The following CEP112 variants were observed in gnomAD, a reference collection of about 807,000 sequenced individuals.
CEP112 encodes the protein centrosomal protein 112, also known as centrosomal protein of 112 kDa.
A neutral mutation model predicts 153.0 loss-of-function variants in CEP112; 127 were observed. The observed-to-expected ratio is 0.83, with a 90% confidence interval of 0.72 to 0.96. The LOEUF is 0.96. Among genes scored for constraint, CEP112 ranks in the 40% least tolerant of loss-of-function variants. The probability of loss-of-function intolerance (pLI) is 0.00; values close to 1 mark genes in which losing one functional copy is unlikely to be tolerated. For missense variants in CEP112, 1,089 were observed against 1,101.2 expected, an observed-to-expected ratio of 0.99 and a Z score of 0.16; for synonymous variants, 358 against 374.4, an observed-to-expected ratio of 0.96 and a Z score of 0.51.
chr17:65,791,880 A>G (rs575983243), intron 21 of CEP112, among the ~76,000 whole-genome samples: 4 of 152,344 alleles, frequency 2.6e-5, no homozygotes, highest in African/African-American at 9.6e-5. Context: ...AAAAGCAATT[A>G]AAATACATAA....
chr17:65,867,005 G>C (rs9899938), intron 20 of CEP112, among the ~76,000 whole-genome samples: 21,942 of 151,860 alleles, frequency 0.14, 1,639 homozygotes, highest in African/African-American at 0.17. Context: ...GGAGAGACGA[G>C]AGAAGGAGAA....
At chr17:66,035,886 G>A (rs1349519336) in intron 12 of CEP112, among the ~76,000 whole-genome samples, 1 of 152,150 alleles carries the variant, frequency 6.6e-6, no homozygotes, top group African/African-American at 2.4e-5. Flanking sequence ...CAAGACAGCC[G>A]AAAAACTGAG....
chr17:65,968,747 T>C (rs774595170), intron 17 of CEP112, among the ~76,000 whole-genome samples: 5 of 152,212 alleles, frequency 3.3e-5, no homozygotes, highest in African/African-American at 4.8e-5. Flanking sequence ...TTTGCTCAAG[T>C]TCACATAAAA....
At chr17:65,984,109 A>G (rs2063320147) in intron 17 of CEP112, among the ~76,000 whole-genome samples, 1 of 152,274 alleles carries the variant, frequency 6.6e-6, no homozygotes, top group African/African-American at 2.4e-5. Flanking sequence ...TGACAATTTT[A>G]TTGTGATTTT....
chr17:65,797,214 G>C (rs2054987618), intron 21 of CEP112: 2 of 152,160 alleles, frequency 1.3e-5, no homozygotes, highest in African/African-American at 4.8e-5. Flanking sequence ...AGAGTGACTG[G>C]TTCTGCTGGA....
At chr17:65,920,535 G>A (rs1255263793) in intron 19 of CEP112, among the ~76,000 whole-genome samples, 4 of 149,292 alleles carry the variant, frequency 2.7e-5, no homozygotes, top group Non-Finnish European at 4.4e-5. Flanking sequence ...ATAACTGTGG[G>A]CTTTTAGGAT....
At chr17:66,182,207 G>A (rs1311176694) in intron 2 of CEP112, 2 of 152,112 alleles carry the variant, frequency 1.3e-5, no homozygotes, top group East Asian at 3.8e-4. Flanking sequence ...CACAATTTTT[G>A]TTACATTATA....
intron 4 of CEP112, among the ~76,000 whole-genome samples, chr17:66,174,694 G>A (rs372704609): frequency 4.9e-4 from 74 of 152,210 alleles, no homozygotes; most frequent in African/African-American, 1.6e-3. Context: ...TGGGGTTTAC[G>A]CTTACATTCA....
intron 21 of CEP112, among the ~76,000 whole-genome samples, chr17:65,805,308 C>T (rs977449885): frequency 6.6e-6 from 1 of 152,188 alleles, no homozygotes. Context: ...TATTTAGGAG[C>T]TGCCCTTAGT....
intron 6 of CEP112, among the ~76,000 whole-genome samples, chr17:66,128,650 A>C (rs9897921): frequency 0.16 from 24,758 of 152,150 alleles, 2,763 homozygotes; most frequent in African/African-American, 0.31. Context: ...GCAATCAAAT[A>C]TGTATAAAAA....
At chr17:66,007,554 T>C (rs1443301) in intron 16 of CEP112, among the ~76,000 whole-genome samples, 62,503 of 152,064 alleles carry the variant, frequency 0.41, 14,319 homozygotes, top group East Asian at 0.87. Context: ...AACGCAAATC[T>C]AGTCTTTTTA....
At chr17:66,084,725 G>A (rs1336995071) in intron 8 of CEP112, among the ~76,000 whole-genome samples, 1 of 151,904 alleles carries the variant, frequency 6.6e-6, no homozygotes, top group South Asian at 2.1e-4. Context: ...AAAGTAGAAA[G>A]AACGAAGAAA....
intron 6 of CEP112, among the ~76,000 whole-genome samples, chr17:66,121,203 G>A (rs1217863007): frequency 6.6e-6 from 1 of 151,860 alleles, no homozygotes; most frequent in Non-Finnish European, 1.5e-5. Context: ...TTGAACCTGG[G>A]AGGCAGAAGT....
At chr17:66,079,161 G>A (rs536738722) in intron 8 of CEP112, among the ~76,000 whole-genome samples, 4 of 152,100 alleles carry the variant, frequency 2.6e-5, no homozygotes, top group African/African-American at 4.8e-5. Context: ...GGAATGCTGC[G>A]GGGCACAGTG....
rs143633640 is a variant in CEP112 at position 65,751,621 on chromosome 17, C to T, written c.2395-897G>A. On this transcript the variant is annotated intron_variant, in intron 21 of 26. Transcript: ENST00000535342. ...CTCTCCCTGCAACTCTGATTTTGTA[C>T]CTCTTAGATTTAGTGTCTCTTTTTC... Among the ~76,000 whole-genome samples, 1,277 of 152,256 alleles carry T rather than the reference C, an allele frequency of 8.4e-3. 12 individuals carry two copies. Among genetic ancestry groups the T allele is most frequent in the South Asian group, 0.019 (94 of 4,824 alleles).
At chr17:66,022,672 G>A (rs2065045051) in intron 16 of CEP112, among the ~76,000 whole-genome samples, 1 of 136,392 alleles carries the variant, frequency 7.3e-6, no homozygotes, top group African/African-American at 2.8e-5. Flanking sequence ...TCGTGCCACT[G>A]CACTCCAGCC....
rs1373265956 is a variant in CEP112, at chr17:65,971,150, ATACATGTACAT to A, written c.1737-9563_1737-9553del. On this transcript the variant is annotated intron_variant, in intron 17 of 26. Coordinates refer to ENST00000535342, the MANE Select transcript of CEP112 (RefSeq NM_001199165.4). Reference sequence around the variant, plus strand: ...GAGATTTATATTGCATGTGCACATGATACATGTACATTACATGTACAGCACATGTACAGCAC... The same window carrying A: ...GAGATTTATATTGCATGTGCACATGATACATGTACAGCACATGTACAGCAC... 4.8e-3 allele frequency among the ~76,000 whole-genome samples: 732 copies of A among 152,246 alleles called. 5 individuals are homozygous for A. The highest frequency in any genetic ancestry group is 0.016 in the African/African-American group (684 of 41,552).
intron 21 of CEP112, among the ~76,000 whole-genome samples, chr17:65,778,961 C>T (rs906613650): frequency 1.1e-4 from 16 of 151,916 alleles, no homozygotes; most frequent in Admixed American, 6.6e-4. Flanking sequence ...GATTGCACCA[C>T]TATACTTCAC....
chr17:66,061,525 T>C (rs1480243303), intron 11 of CEP112, among the ~76,000 whole-genome samples: 8 of 151,702 alleles, frequency 5.3e-5, no homozygotes, highest in African/African-American at 1.9e-4. Flanking sequence ...GAAATCAATG[T>C]AAGTGCCCAT....
Sources: gnomAD v4.1 joint callset for allele counts (sites outside exome capture counted in the v4.1 genomes callset) on GRCh38, gnomAD v4.1.1 for gene constraint, MANE v1.5 for transcripts, NCBI Gene and HGNC (gene_info 2026-07-23, HGNC 2026-07-21) for gene names.